The following MAP4K3 variants were observed in gnomAD, a reference collection of about 807,000 sequenced individuals.
The protein encoded by MAP4K3 is mitogen-activated protein kinase kinase kinase kinase 3.
In MAP4K3, 94 loss-of-function variants were observed where a neutral mutation model predicts 143.5. The ratio of observed to expected loss-of-function variants is 0.65; its 90% CI spans 0.55 to 0.78. MAP4K3 has a LOEUF of 0.78. Among genes scored for constraint, MAP4K3 ranks in the 30% least tolerant of loss-of-function variants. The probability of loss-of-function intolerance (pLI) is 0.00; values close to 1 mark genes in which losing one functional copy is unlikely to be tolerated. For synonymous variants in MAP4K3, 416 were observed against 347.2 expected, an observed-to-expected ratio of 1.20 and a Z score of -2.20; for missense variants, 1,077 against 1,068.1, an observed-to-expected ratio of 1.01 and a Z score of -0.12.
At chr2:39,344,512 T>C (rs745564458) in intron 3 of MAP4K3, among the ~76,000 whole-genome samples, 2 of 152,250 alleles carry the variant, frequency 1.3e-5, no homozygotes, top group Non-Finnish European at 2.9e-5. Context: ...TTTATTTCTA[T>C]ACTGTATGGC....
chr2:39,312,785 G>C (rs1448078260), intron 13 of MAP4K3, among the ~76,000 whole-genome samples: 2 of 152,154 alleles, frequency 1.3e-5, no homozygotes, highest in South Asian at 2.1e-4. Flanking sequence ...ACCTCATCTT[G>C]ATAAAGGCCT....
At chr2:39,418,641 T>C (rs60394429) in intron 1 of MAP4K3, among the ~76,000 whole-genome samples, 4,558 of 152,036 alleles carry the variant, frequency 0.03, 237 homozygotes, top group African/African-American at 0.1. Flanking sequence ...CTGCCGGTGA[T>C]CAAAGTTAAT....
At chr2:39,290,084 CAAAAAAAAAAAA>C (rs57058905) in intron 19 of MAP4K3, among the ~76,000 whole-genome samples, 196 bp downstream of exon 19, 15 of 111,954 alleles carry the variant, frequency 1.3e-4, no homozygotes, top group African/African-American at 5.6e-4. Flanking sequence ...GAGACTGTCT[CAAAAAAAAAAAA>C]AAAAAAAAAA....
chr2:39,370,204 T>A (rs1051249226), intron 2 of MAP4K3, among the ~76,000 whole-genome samples: 13 of 152,224 alleles, frequency 8.5e-5, no homozygotes, highest in African/African-American at 2.9e-4. Flanking sequence ...AAATATTCAA[T>A]CTCTCCAGCT....
chr2:39,358,617 A>G (rs1289108197), intron 2 of MAP4K3, among the ~76,000 whole-genome samples: 6 of 152,212 alleles, frequency 3.9e-5, no homozygotes, highest in Non-Finnish European at 8.8e-5. Flanking sequence ...TGGTCAAATT[A>G]AATTCAACAT....
intron 15 of MAP4K3, among the ~76,000 whole-genome samples, chr2:39,307,244 G>C (rs913620873): frequency 6.6e-6 from 1 of 152,032 alleles, no homozygotes; most frequent in Non-Finnish European, 1.5e-5. Context: ...GTAGCAGAAA[G>C]AACTATTTAC....
intron 15 of MAP4K3, among the ~76,000 whole-genome samples, chr2:39,306,279 G>A (rs965419616): frequency 4.6e-5 from 7 of 152,124 alleles, no homozygotes; most frequent in Non-Finnish European, 8.8e-5. Flanking sequence ...TCTAGCCTAC[G>A]TGTGTAATTC....
At chr2:39,378,358 T>C (rs547833118) in intron 1 of MAP4K3, among the ~76,000 whole-genome samples, 105 of 152,294 alleles carry the variant, frequency 6.9e-4, no homozygotes, top group African/African-American at 2.5e-3. Context: ...AGTACGGATG[T>C]GCCAGGCACT....
intron 21 of MAP4K3, among the ~76,000 whole-genome samples, chr2:39,284,649 G>C (rs1219453880): frequency 6.6e-6 from 1 of 151,736 alleles, no homozygotes. Context: ...TTCGAGACCA[G>C]CCTGACCAAC....
At chr2:39,322,796 A>G (rs1175236029) in intron 12 of MAP4K3, among the ~76,000 whole-genome samples, 2 of 151,806 alleles carry the variant, frequency 1.3e-5, no homozygotes, top group Admixed American at 1.3e-4. Flanking sequence ...CAGCCCCCTG[A>G]ATAGCTGGGA....
At chr2:39,332,026 A>G (rs746357335) in intron 7 of MAP4K3, 37 bp from the exon 8 acceptor site, 2 of 1,231,228 alleles carry the variant, frequency 1.6e-6, no homozygotes, top group Non-Finnish European at 1.1e-6. Context: ...GGAAACTGAG[A>G]GAAAATAAAA....
chr2:39,387,690 A>G (rs1425122851), intron 1 of MAP4K3, among the ~76,000 whole-genome samples: 1 of 152,250 alleles, frequency 6.6e-6, no homozygotes, highest in Non-Finnish European at 1.5e-5. Context: ...ATAACCCAAC[A>G]GATGGACAGA....
intron 33 of MAP4K3, among the ~76,000 whole-genome samples, chr2:39,251,236 A>ATT (rs962888075): frequency 1.7e-4 from 26 of 152,200 alleles, no homozygotes; most frequent in African/African-American, 5.3e-4. Flanking sequence ...CTTGTGGGTA[A>ATT]TTTATCAGGT....
Position 39,299,811 on chromosome 2 carries a change from CA to C in MAP4K3, c.1120-11del. On this transcript the variant is annotated splice_polypyrimidine_tract_variant and intron_variant, in intron 15 of 33. Transcript: ENST00000263881. The stretch of plus-strand genomic sequence containing the variant: ...ATTCCAGTTGCAGATCCTAATAGTA[CA>C]AAATAAAATATTTAGCACAATAGTA... The C allele has an allele frequency of 2.0e-6, 3 of 1,515,328 alleles. No individual in the cohort carries two copies. The allele number at this position is 1,515,328 out of a possible 1,614,324, so 93.9% of individuals were successfully genotyped here.
intron 3 of MAP4K3, among the ~76,000 whole-genome samples, chr2:39,353,490 T>C (rs1161233598): frequency 1.3e-5 from 2 of 152,210 alleles, no homozygotes; most frequent in Non-Finnish European, 1.5e-5. Context: ...AAAAAGAACA[T>C]AGTTTTACTG....
At chr2:39,353,149 A>G (rs1224360863) in intron 3 of MAP4K3, among the ~76,000 whole-genome samples, 4 of 152,226 alleles carry the variant, frequency 2.6e-5, no homozygotes, top group Middle Eastern at 3.2e-3. Flanking sequence ...GACGTTGGAT[A>G]GACTAAGTAA....
chr2:39,375,472 T>C (rs1412919884), intron 2 of MAP4K3, among the ~76,000 whole-genome samples: 1 of 152,076 alleles, frequency 6.6e-6, no homozygotes, highest in South Asian at 2.1e-4. Context: ...TCGAGTTACT[T>C]CCACAGAAAA....
At chr2:39,435,762 G>A (rs1665445454) in intron 1 of MAP4K3, among the ~76,000 whole-genome samples, 1 of 152,156 alleles carries the variant, frequency 6.6e-6, no homozygotes, top group South Asian at 2.1e-4. Flanking sequence ...CATTGTAGGT[G>A]GGCTCAATAT....
chr2:39,401,083 G>A (rs968946081), intron 1 of MAP4K3, among the ~76,000 whole-genome samples: 5 of 152,144 alleles, frequency 3.3e-5, no homozygotes, highest in Non-Finnish European at 7.3e-5. Flanking sequence ...CCTCAGTGCA[G>A]GGCAAGGGAA....
Sources: gnomAD v4.1 joint callset for allele counts (sites outside exome capture counted in the v4.1 genomes callset) on GRCh38, gnomAD v4.1.1 for gene constraint, MANE v1.5 for transcripts, NCBI Gene and HGNC (gene_info 2026-07-23, HGNC 2026-07-21) for gene names.